XRCC5: variants seen among roughly 807,000 people sequenced by gnomAD.
XRCC5 encodes DNA repair protein Ku80.
Under a neutral mutation model 95.7 loss-of-function variants are expected in XRCC5, and 12 were observed. The observed-to-expected ratio is 0.13, with a 90% CI of 0.08 to 0.20. XRCC5 has a LOEUF of 0.20. Ranked by LOEUF, XRCC5 falls within the 10% of genes least tolerant of loss-of-function variation. The pLI, the probability that XRCC5 is intolerant of heterozygous loss-of-function variation, is 1.00. For synonymous variants in XRCC5, 281 were observed against 290.3 expected (o/e 0.97, Z 0.33); for missense variants, 595 against 873.9 (o/e 0.68, Z 4.02).
In XRCC5 at chr2:216,130,883, T is replaced by C; in HGVS notation, c.946T>C (p.Tyr316His). Residue 316 changes from tyrosine (Y) to histidine (H), a missense_variant, in exon 9 of 21, where the codon TAT (tyrosine) becomes CAT (histidine). Tyr to His is a moderately conservative substitution (Grantham distance 83). Coordinates refer to ENST00000392132, the MANE Select transcript of XRCC5 (RefSeq NM_021141.4). ...CTTCTCTTTTTCTCCAGGGTTCCGC[T>C]ATGGAAGTGATATAGTTCCTTTCTC... ...LKEDIIQGFR[Y>H]GSDIVPFSKV... 1 of 1,607,774 alleles carries C rather than the reference T, an allele frequency of 6.2e-7. No homozygotes were observed. Among genetic ancestry groups the C allele is most frequent in the Non-Finnish European group, 8.5e-7 (1 of 1,177,830 alleles).
rs1385359691 is a variant in XRCC5, at chr2:216,113,063, C to T, written c.69C>T (p.Ser23=). The T allele has an allele frequency of 6.2e-7, 1 of 1,614,124 alleles. No homozygotes were observed. The highest frequency in any genetic ancestry group is 1.7e-5 in the Admixed American group (1 of 60,024). ...ACGTGGGCTTTACCATGAGTAACTC[C>T]ATTCCTGGTATAGAATCCCCATTTG... ...CMDVGFTMSN[S]IPGIESPFEQ... The change falls in exon 2 of 21, where the codon TCC becomes TCT. Residue 23 remains serine, a synonymous_variant. Transcript: ENST00000392132.
chr2:216,185,323 C>T (rs1251702984), intron 16 of XRCC5, among the ~76,000 whole-genome samples: 1 of 152,158 alleles, frequency 6.6e-6, no homozygotes, highest in Non-Finnish European at 1.5e-5. Context: ...CCGCCTCTAC[C>T]CACAATGGCC....
chr2:216,146,445 G>T (rs918716956), intron 13 of XRCC5, among the ~76,000 whole-genome samples: 2 of 152,200 alleles, frequency 1.3e-5, no homozygotes, highest in African/African-American at 4.8e-5. Context: ...TTTGTGATAG[G>T]AGCAGTATTT....
rs772624212 is a variant in XRCC5 at position 216,116,711 on chromosome 2, G to A, written c.188G>A (p.Gly63Asp). 2.3e-5 allele frequency: 37 copies of A among 1,614,032 alleles called. No individual in the cohort carries two copies. In the East Asian group the frequency reaches 7.8e-4, roughly 34 times the overall value. The change falls in exon 3 of 21, where the codon GGC (glycine) becomes GAC (aspartate). Residue 63 changes from glycine to aspartate, a missense_variant. Coordinates refer to ENST00000392132, the MANE Select transcript of XRCC5 (RefSeq NM_021141.4). ...EIALVLFGTD[G>D]TDNPLSGGDQ... Reference sequence around the variant, plus strand: ...GCTTTAGTCCTGTTTGGTACAGATGGCACTGACAATCCCCTTTCTGGTGGG... The same window carrying A: ...GCTTTAGTCCTGTTTGGTACAGATGACACTGACAATCCCCTTTCTGGTGGG...
intron 8 of XRCC5, among the ~76,000 whole-genome samples, chr2:216,129,551 G>T (rs1297917120): frequency 6.6e-6 from 1 of 152,208 alleles, no homozygotes; most frequent in Non-Finnish European, 1.5e-5. Flanking sequence ...TGATGACAGA[G>T]ATTAAGACAA....
chr2:216,145,253 C>G (rs376877009), intron 13 of XRCC5, among the ~76,000 whole-genome samples: 1 of 152,050 alleles, frequency 6.6e-6, no homozygotes, highest in Non-Finnish European at 1.5e-5. Context: ...TTTGAAATAC[C>G]TACAGTTAAG....
intron 16 of XRCC5, among the ~76,000 whole-genome samples, chr2:216,187,823 T>A (rs62178695): frequency 0.096 from 2,698 of 28,232 alleles, 30 homozygotes; most frequent in African/African-American, 0.17. Context: ...ACACACACAC[T>A]CTCTCTCTCT....
chr2:216,184,916 G>T (rs2106042808), intron 16 of XRCC5, among the ~76,000 whole-genome samples: 1 of 152,318 alleles, frequency 6.6e-6, no homozygotes, highest in South Asian at 2.1e-4. Context: ...TCTGAGGGAG[G>T]TGTGGGCAGA....
chr2:216,203,779 G>C (rs1183203271), intron 19 of XRCC5, among the ~76,000 whole-genome samples: 2 of 148,574 alleles, frequency 1.3e-5, no homozygotes, highest in East Asian at 4.0e-4. Flanking sequence ...TGCATTTCAC[G>C]TTTCTTATGA....
At chr2:216,126,110 G>A (rs562200213) in intron 7 of XRCC5, 79 bp downstream of exon 7, 2 of 1,140,036 alleles carry the variant, frequency 1.8e-6, no homozygotes, top group East Asian at 4.8e-5. Flanking sequence ...GACAATTCAT[G>A]TGTGTGTTAC....
intron 1 of XRCC5, 75 bp from the exon 2 acceptor site, chr2:216,112,941 A>G (rs1365034035): frequency 8.7e-7 from 1 of 1,153,442 alleles, no homozygotes; most frequent in Non-Finnish European, 1.3e-6. Flanking sequence ...TCATGAATAC[A>G]ATAAGCAAGG....
At chr2:216,110,868 G>A (rs1053715181) in intron 1 of XRCC5, among the ~76,000 whole-genome samples, 3 of 151,274 alleles carry the variant, frequency 2.0e-5, no homozygotes, top group Non-Finnish European at 4.4e-5. Flanking sequence ...GTTCTCAAAG[G>A]AATTTTGTGG....
intron 16 of XRCC5, chr2:216,175,478 G>A: frequency 2.0e-6 from 1 of 497,198 alleles, no homozygotes; most frequent in East Asian, 5.5e-5. Context: ...TAATAGTGTG[G>A]TGTTTCTAAA....
At chr2:216,192,292 C>T (rs367923965) in intron 17 of XRCC5, among the ~76,000 whole-genome samples, 12 of 152,298 alleles carry the variant, frequency 7.9e-5, no homozygotes, top group East Asian at 7.7e-4. Flanking sequence ...ACATGCTCGG[C>T]CTGAGTTGAT....
intron 5 of XRCC5, among the ~76,000 whole-genome samples, chr2:216,119,800 C>T (rs1489150904): frequency 1.3e-5 from 2 of 152,142 alleles, no homozygotes; most frequent in South Asian, 2.1e-4. Flanking sequence ...ATATTCCCTC[C>T]GGGATTTACT....
Position 216,122,193 on chromosome 2 carries a change from T to C in XRCC5, c.623T>C (p.Val208Ala). Residue 208 changes from valine to alanine, a missense_variant, in exon 6 of 21, where the codon GTG becomes GCG. Coordinates refer to ENST00000392132, the MANE Select transcript of XRCC5 (RefSeq NM_021141.4). ...TEQQKEGLEI[V>A]KMVMISLEGE... Reference sequence around the variant, plus strand: ...CAGCAAAAAGAAGGTCTTGAGATAGTGAAAATGGTGATGATATCTTTAGAA... The same window carrying C: ...CAGCAAAAAGAAGGTCTTGAGATAGCGAAAATGGTGATGATATCTTTAGAA... 1 of 1,613,934 alleles carries C rather than the reference T, an allele frequency of 6.2e-7. No individual in the cohort carries two copies. Among genetic ancestry groups the C allele is most frequent in the Non-Finnish European group, 8.5e-7 (1 of 1,179,916 alleles).
chr2:216,127,624 GC>G lies in XRCC5; in HGVS notation c.888del (p.Leu297Ter). 6.2e-7 allele frequency: 1 copy of G among 1,611,870 alleles called. No homozygotes were observed. Among genetic ancestry groups the G allele is most frequent in the Non-Finnish European group, 8.5e-7 (1 of 1,179,296 alleles). The stretch of plus-strand genomic sequence containing the variant: ...GATATACAAAAAGAAACAGTTTATT[GC>G]TTAAATGATGATGATGAAACTGAAG... ...KEDIQKETVY[C>X]LNDDDETEVL... On this transcript the variant is annotated frameshift_variant, in exon 8 of 21. Coordinates refer to ENST00000392132, the MANE Select transcript of XRCC5 (RefSeq NM_021141.4). LOFTEE classifies it high-confidence loss of function.
chr2:216,129,428 A>G (rs1189542054), intron 8 of XRCC5, among the ~76,000 whole-genome samples: 4 of 152,234 alleles, frequency 2.6e-5, no homozygotes, highest in Admixed American at 6.5e-5. Context: ...TACAATGTAC[A>G]AAAGTTGGAG....
At chr2:216,190,530 A>AT (rs1313185591) in intron 17 of XRCC5, among the ~76,000 whole-genome samples, 196 bp downstream of exon 17, 1 of 152,178 alleles carries the variant, frequency 6.6e-6, no homozygotes, top group African/African-American at 2.4e-5. Context: ...TGGGATAAAG[A>AT]TGAGTAGGTA....
Sources: gnomAD v4.1 joint callset for allele counts (sites outside exome capture counted in the v4.1 genomes callset) on GRCh38, gnomAD v4.1.1 for gene constraint, MANE v1.5 for transcripts, NCBI Gene and HGNC (gene_info 2026-07-23, HGNC 2026-07-21) for gene names.